PTPRM: variants seen among roughly 807,000 people sequenced by gnomAD.
The protein encoded by PTPRM is protein tyrosine phosphatase receptor type M, also known as receptor-type tyrosine-protein phosphatase mu.
PTPRM carries 47 observed loss-of-function variants against 186.7 expected under a neutral mutation model. The ratio of observed to expected loss-of-function variants is 0.25; its 90% CI spans 0.20 to 0.32. The LOEUF is 0.32. Ranked by LOEUF, PTPRM falls within the 10% of genes least tolerant of loss-of-function variation. The pLI is 1.00. For synonymous variants in PTPRM, 668 were observed against 674.9 expected (o/e 0.99, Z 0.16); for missense variants, 1,494 against 1,865.0 (o/e 0.80, Z 3.66).
At chr18:8,286,847 G>A (rs2147793545) in intron 19 of PTPRM, among the ~76,000 whole-genome samples, 1 of 152,174 alleles carries the variant, frequency 6.6e-6, no homozygotes, top group African/African-American at 2.4e-5. Context: ...AAGTATTGCA[G>A]GAAGAGCCTG....
chr18:8,155,131 G>T (rs1039544974), intron 14 of PTPRM: 2 of 151,736 alleles, frequency 1.3e-5, no homozygotes, highest in Non-Finnish European at 2.9e-5. Flanking sequence ...TTTTTTACCA[G>T]GTTTCATCCA....
At chr18:8,143,509 T>G in intron 13 of PTPRM, 138 bp from the exon 14 acceptor site, 2 of 883,798 alleles carry the variant, frequency 2.3e-6, no homozygotes, top group Non-Finnish European at 3.4e-6. Flanking sequence ...GAAAGCTGTT[T>G]AAAAAATCAA....
chr18:7,949,285 A>G lies in PTPRM; in HGVS notation c.768A>G (p.Gly256=). 1 of 1,614,146 alleles carries G rather than the reference A, an allele frequency of 6.2e-7. No homozygotes were observed. The highest frequency in any genetic ancestry group is 8.5e-7 in the Non-Finnish European group (1 of 1,179,984). The change falls in exon 6 of 33, where the codon GGA becomes GGG. Residue 256 remains glycine (G), a synonymous_variant. Coordinates refer to ENST00000580170, the MANE Select transcript of PTPRM (RefSeq NM_001105244.2). ...NVVNTTKRDA[G]KYRCMIRTEG... ...TGAATACCACCAAACGAGATGCTGG[A>G]AAGTACCGCTGCATGATTCGCACTG...
chr18:7,903,354 GCAGCCACCCCT>G (rs1252887544), intron 3 of PTPRM, among the ~76,000 whole-genome samples: 1 of 152,218 alleles, frequency 6.6e-6, no homozygotes, highest in Admixed American at 6.5e-5. Context: ...GGTAGCATCA[GCAGCCACCCCT>G]CAGCTGTCCC....
At chr18:8,030,444 G>C (rs12957856) in intron 7 of PTPRM, among the ~76,000 whole-genome samples, 16,136 of 152,180 alleles carry the variant, frequency 0.11, 1,097 homozygotes, top group East Asian at 0.19. Flanking sequence ...GTCAGTGTGA[G>C]AATTTGCTCA....
chr18:8,259,041 C>T (rs1409053492), intron 19 of PTPRM, among the ~76,000 whole-genome samples: 1 of 152,154 alleles, frequency 6.6e-6, no homozygotes, highest in African/African-American at 2.4e-5. Flanking sequence ...ACCTCTACCT[C>T]TGGATTAAAG....
intron 1 of PTPRM, among the ~76,000 whole-genome samples, chr18:7,657,043 A>G (rs1282566499): frequency 1.3e-5 from 2 of 152,170 alleles, no homozygotes; most frequent in African/African-American, 2.4e-5. Context: ...TCCGACATAC[A>G]ATGACCCTTT....
chr18:7,723,790 G>A (rs1390851138), intron 1 of PTPRM, among the ~76,000 whole-genome samples: 1 of 152,136 alleles, frequency 6.6e-6, no homozygotes, highest in African/African-American at 2.4e-5. Flanking sequence ...GGCGCGGGCT[G>A]GGAGAGCACC....
At chr18:7,941,450 A>T (rs895445804) in intron 5 of PTPRM, among the ~76,000 whole-genome samples, 6 of 152,232 alleles carry the variant, frequency 3.9e-5, no homozygotes, top group African/African-American at 1.4e-4. Context: ...CTATCCACTT[A>T]ACAAAGTCTG....
chr18:7,572,136 G>T (rs2036579504), intron 1 of PTPRM, among the ~76,000 whole-genome samples: 1 of 152,136 alleles, frequency 6.6e-6, no homozygotes, highest in African/African-American at 2.4e-5. Context: ...AGAATTGCTT[G>T]AGCATAATAA....
intron 3 of PTPRM, among the ~76,000 whole-genome samples, chr18:7,906,066 G>C (rs913984828): frequency 2.6e-5 from 4 of 152,002 alleles, no homozygotes; most frequent in African/African-American, 9.7e-5. Context: ...CTTTGGGTGG[G>C]GAATCCTTTC....
At chr18:7,713,500 G>A (rs1442846419) in intron 1 of PTPRM, among the ~76,000 whole-genome samples, 1 of 152,002 alleles carries the variant, frequency 6.6e-6, no homozygotes, top group African/African-American at 2.4e-5. Context: ...ATAATGCCAG[G>A]ATCAAATTCA....
At chr18:7,818,280 C>A (rs990449039) in intron 2 of PTPRM, among the ~76,000 whole-genome samples, 1 of 152,130 alleles carries the variant, frequency 6.6e-6, no homozygotes, top group African/African-American at 2.4e-5. Flanking sequence ...TTGGTTAGGT[C>A]TAGGTATTAT....
At chr18:7,606,960 C>G (rs759366400) in intron 1 of PTPRM, among the ~76,000 whole-genome samples, 11 of 152,084 alleles carry the variant, frequency 7.2e-5, no homozygotes, top group African/African-American at 2.2e-4. Flanking sequence ...TTGCCTGACT[C>G]CACCCAGCTC....
intron 9 of PTPRM, among the ~76,000 whole-genome samples, chr18:8,076,890 G>T (rs913944207): frequency 6.6e-6 from 1 of 152,060 alleles, no homozygotes; most frequent in Admixed American, 6.6e-5. Flanking sequence ...GACAAACACA[G>T]AATTCTATTC....
At chr18:7,661,384 A>T (rs116434261) in intron 1 of PTPRM, among the ~76,000 whole-genome samples, 1 of 152,238 alleles carries the variant, frequency 6.6e-6, no homozygotes, top group South Asian at 2.1e-4. Context: ...TAAACTGCTC[A>T]TGTGGGATTC....
intron 19 of PTPRM, among the ~76,000 whole-genome samples, chr18:8,276,313 A>G (rs1457340085): frequency 6.6e-6 from 1 of 152,108 alleles, no homozygotes; most frequent in African/African-American, 2.4e-5. Context: ...TCTAAGTAGG[A>G]GGCCTTCAGT....
At chr18:8,387,770 G>A (rs990900543) in intron 31 of PTPRM, among the ~76,000 whole-genome samples, 3 of 20,526 alleles carry the variant, frequency 1.5e-4, no homozygotes, top group East Asian at 2.7e-3. Context: ...GTGTGTGCGC[G>A]CGCGTGCATG....
At chr18:7,581,169 T>G (rs524833) in intron 1 of PTPRM, among the ~76,000 whole-genome samples, 38,633 of 152,086 alleles carry the variant, frequency 0.25, 6,379 homozygotes, top group East Asian at 0.72. Context: ...CAGGGAATTT[T>G]TTGGCTCTTG....
Sources: gnomAD v4.1 joint callset for allele counts (sites outside exome capture counted in the v4.1 genomes callset) on GRCh38, gnomAD v4.1.1 for gene constraint, MANE v1.5 for transcripts, NCBI Gene and HGNC (gene_info 2026-07-23, HGNC 2026-07-21) for gene names.